The following HIPK1 variants were observed in gnomAD, a reference collection of about 807,000 sequenced individuals.
HIPK1 encodes the protein homeodomain-interacting protein kinase 1.
A neutral mutation model predicts 117.1 loss-of-function variants in HIPK1; 28 were observed. That is an observed-to-expected ratio of 0.24 (90% CI 0.18 to 0.33). HIPK1 has a LOEUF of 0.33. HIPK1 is among the 10% of genes least tolerant of loss of function. HIPK1 has a pLI of 1.00. For synonymous variants in HIPK1, 605 were observed against 562.5 expected (o/e 1.08, Z -1.07); for missense variants, 1,122 against 1,475.1 (o/e 0.76, Z 3.92).
rs771996214 is a variant in HIPK1 at position 113,968,583 on chromosome 1, T to G, written c.2706T>G (p.Pro902=). 1.4e-5 allele frequency: 23 copies of G among 1,613,972 alleles called. 1 individual carries two copies. The Admixed American group carries it at 2.8e-4, about 20-fold the overall frequency. ...PIIIPDTPSP[P]VSVITIRSDT... ...TCATTCCAGATACTCCCAGCCCTCC[T>G]GTGAGTGTCATCACTATCCGAAGTG... is the stretch of plus-strand genomic sequence containing the variant. Residue 902 remains proline, a synonymous_variant, in exon 13 of 16, where the codon CCT becomes CCG. Transcript: ENST00000426820.
intron 8 of HIPK1, among the ~76,000 whole-genome samples, chr1:113,959,534 G>A (rs1352116025): frequency 3.9e-5 from 6 of 152,112 alleles, no homozygotes; most frequent in African/African-American, 1.2e-4. Flanking sequence ...CACTTTTTCC[G>A]AAGAGTTTCA....
intron 10 of HIPK1, 94 bp downstream of exon 10, chr1:113,963,615 G>C: frequency 6.8e-7 from 1 of 1,479,796 alleles, no homozygotes; most frequent in Non-Finnish European, 9.0e-7. Flanking sequence ...GTTTTTTTCT[G>C]GTTTATTTTT....
intron 1 of HIPK1, among the ~76,000 whole-genome samples, chr1:113,934,092 T>C (rs1244506232): frequency 6.6e-6 from 1 of 152,214 alleles, no homozygotes; most frequent in African/African-American, 2.4e-5. Flanking sequence ...TGTATACCTG[T>C]GTTCATGTCA....
At position 113,976,930 on chromosome 1, in the gene HIPK1, C is replaced by G. The variant is rs552119245; in HGVS notation, c.*3418C>G. ...GGGCTCATAGGGACACTTGGTCACT[C>G]CAGAGTTTTTAATAGCTCCCAGGAG... On this transcript the variant is annotated 3_prime_UTR_variant, in exon 16 of 16. Transcript: ENST00000426820. 1.3e-5 allele frequency: 2 copies of G among 152,864 alleles called. No homozygotes were observed. The highest frequency in any genetic ancestry group is 3.8e-4 in the East Asian group (2 of 5,322). 9.5% of individuals were successfully genotyped at this position (152,864 alleles called of 1,614,324 possible).
chr1:113,956,530 A>G (rs1432425082), intron 5 of HIPK1, 97 bp from the exon 6 acceptor site: 5 of 770,522 alleles, frequency 6.5e-6, no homozygotes, highest in South Asian at 3.9e-5. Context: ...TTTTGATTAC[A>G]TATATACACA....
At chr1:113,952,149 A>G (rs1451127183) in intron 2 of HIPK1, among the ~76,000 whole-genome samples, 1 of 151,674 alleles carries the variant, frequency 6.6e-6, no homozygotes, top group Non-Finnish European at 1.5e-5. Context: ...ATATTGGCCA[A>G]GCTGGTCTTG....
rs773866157 is a variant in HIPK1, at chr1:113,937,098, A to C, written c.-2-3284A>C. 3.3e-5 allele frequency among the ~76,000 whole-genome samples: 5 copies of C among 152,326 alleles called. No individual in the cohort carries two copies. In the East Asian group the frequency reaches 7.7e-4, roughly 23 times the overall value. ...TCAGTGAAGTAGGTAGAACAAGATG[A>C]TTTGTAAATTCAGCCTCACAGTTAA... is the stretch of plus-strand genomic sequence containing the variant. On this transcript the variant is annotated intron_variant, in intron 1 of 15. Coordinates refer to ENST00000426820, the MANE Select transcript of HIPK1 (RefSeq NM_198268.3).
chr1:113,967,967 T>C lies in HIPK1; in HGVS notation c.2564+19T>C. 1 of 1,597,160 alleles carries C rather than the reference T, an allele frequency of 6.3e-7. No homozygotes were observed. The highest frequency in any genetic ancestry group is 8.5e-7 in the Non-Finnish European group (1 of 1,173,506). On this transcript the variant is annotated intron_variant, in intron 12 of 15. Coordinates refer to ENST00000426820, the MANE Select transcript of HIPK1 (RefSeq NM_198268.3). ...CTTCCAAGTGAGTCTGTGTTACAGC[T>C]GATAGTTAAAACTGTGCCAGTTTGA... is the stretch of plus-strand genomic sequence containing the variant.
At chr1:113,932,658 C>T (rs140718902) in intron 1 of HIPK1, among the ~76,000 whole-genome samples, 4,092 of 152,234 alleles carry the variant, frequency 0.027, 57 homozygotes, top group Middle Eastern at 0.044. Context: ...AGATTACAGG[C>T]GTGAGCCACC....
At chr1:113,946,849 G>A (rs1402203693) in intron 2 of HIPK1, among the ~76,000 whole-genome samples, 2 of 152,178 alleles carry the variant, frequency 1.3e-5, no homozygotes, top group African/African-American at 4.8e-5. Context: ...GTTCTGTTGT[G>A]TCACAGTAAT....
intron 14 of HIPK1, among the ~76,000 whole-genome samples, chr1:113,971,065 T>G (rs1309467377): frequency 6.6e-6 from 1 of 152,204 alleles, no homozygotes; most frequent in African/African-American, 2.4e-5. Flanking sequence ...GGGCCATACT[T>G]GTATAAATTA....
chr1:113,949,582 G>C (rs1410806759), intron 2 of HIPK1, among the ~76,000 whole-genome samples: 1 of 148,634 alleles, frequency 6.7e-6, no homozygotes, highest in Non-Finnish European at 1.5e-5. Flanking sequence ...CACTTTTGAG[G>C]GTTACTTCTT....
At chr1:113,938,071 T>C (rs1163913252) in intron 1 of HIPK1, among the ~76,000 whole-genome samples, 4 of 151,828 alleles carry the variant, frequency 2.6e-5, no homozygotes, top group Non-Finnish European at 5.9e-5. Flanking sequence ...CTCAGATGAT[T>C]TTCCTGCTTC....
rs752743449 is a variant in HIPK1 at position 113,973,434 on chromosome 1, T to C, written c.3555T>C (p.Ile1185=). ...ACCAGTTTGCCACCCAATCCTACAT[T>C]GGGTCTTCCCGAGGCTCAACAATTT... ...YQHQFATQSY[I]GSSRGSTIYT... is the part of the protein sequence containing the mutation. Residue 1185 remains isoleucine (I), a synonymous_variant, in exon 16 of 16, where the codon ATT becomes ATC. Coordinates refer to ENST00000426820, the MANE Select transcript of HIPK1 (RefSeq NM_198268.3). The C allele has an allele frequency of 6.2e-6, 10 of 1,613,914 alleles. No individual in the cohort carries two copies. The Admixed American group carries it at 1.7e-4, about 27-fold the overall frequency.
At chr1:113,950,399 C>T (rs181446412) in intron 2 of HIPK1, among the ~76,000 whole-genome samples, 32 of 152,202 alleles carry the variant, frequency 2.1e-4, no homozygotes, top group Admixed American at 3.3e-4. Context: ...TCTGGAGTGT[C>T]CTTATAGATT....
At chr1:113,957,098 TAATG>T in intron 6 of HIPK1, 22 bp from the exon 7 acceptor site, 5 of 1,577,436 alleles carry the variant, frequency 3.2e-6, no homozygotes, top group Non-Finnish European at 4.4e-6. Flanking sequence ...AGCATTCATT[TAATG>T]AATCTTTAAT....
chr1:113,963,366 C>G (rs1251577375), intron 9 of HIPK1, 21 bp from the exon 10 acceptor site: 1 of 1,611,588 alleles, frequency 6.2e-7, no homozygotes, highest in South Asian at 1.1e-5. Context: ...GTTTCACTCA[C>G]CTGCCTAATC....
At position 113,963,370 on chromosome 1, in the gene HIPK1, C is replaced by G. The variant is rs1209721861; in HGVS notation, c.2104-17C>G. 9 of 1,612,276 alleles carry G rather than the reference C, an allele frequency of 5.6e-6. No individual in the cohort carries two copies. Among genetic ancestry groups the G allele is most frequent in the Non-Finnish European group, 7.6e-6 (9 of 1,179,462 alleles). On this transcript the variant is annotated splice_polypyrimidine_tract_variant and intron_variant, in intron 9 of 15. Transcript: ENST00000426820. ...CCTCCGTGTTTGTTTCACTCACCTG[C>G]CTAATCTACGTTTCAGGGAAGCTGT...
At chr1:113,963,668 C>T in intron 10 of HIPK1, 147 bp downstream of exon 10, 2 of 796,194 alleles carry the variant, frequency 2.5e-6, no homozygotes, top group East Asian at 5.5e-5. Context: ...GGCATGGAAG[C>T]ATGTGCCATC....
Sources: gnomAD v4.1 joint callset for allele counts (sites outside exome capture counted in the v4.1 genomes callset) on GRCh38, gnomAD v4.1.1 for gene constraint, MANE v1.5 for transcripts, NCBI Gene and HGNC (gene_info 2026-07-23, HGNC 2026-07-21) for gene names.